Variants in NCF4 observed in about 807,000 individuals in gnomAD.
NCF4 encodes the protein neutrophil cytosol factor 4.
A neutral mutation model predicts 41.7 loss-of-function variants in NCF4; 30 were observed. The ratio of observed to expected loss-of-function variants is 0.72; its 90% CI spans 0.54 to 0.97. NCF4 has a LOEUF of 0.97. Ranked by LOEUF, NCF4 falls within the 50% of genes least tolerant of loss-of-function variation. The pLI, the probability that NCF4 is intolerant of heterozygous loss-of-function variation, is 0.00. For missense variants in NCF4, 432 were observed against 460.9 expected, an observed-to-expected ratio of 0.94 and a Z score of 0.57; for synonymous variants, 195 against 175.8, an observed-to-expected ratio of 1.11 and a Z score of -0.87.
At chr22:36,862,929 G>A (rs933006105) in intron 1 of NCF4, among the ~76,000 whole-genome samples, 5 of 152,084 alleles carry the variant, frequency 3.3e-5, no homozygotes, top group African/African-American at 1.2e-4. Flanking sequence ...CCTCCCCCAG[G>A]GCAGGCTCCA....
intron 5 of NCF4, among the ~76,000 whole-genome samples, chr22:36,870,983 A>G (rs997194868): frequency 6.6e-6 from 1 of 152,202 alleles, no homozygotes; most frequent in Non-Finnish European, 1.5e-5. Context: ...CCTCCAGAGC[A>G]CACTGTTCCT....
chr22:36,867,034 T>C (rs1884572435), intron 3 of NCF4, among the ~76,000 whole-genome samples: 2 of 151,896 alleles, frequency 1.3e-5, no homozygotes, highest in South Asian at 4.1e-4. Flanking sequence ...GCAGCCGGTG[T>C]TGCCACTGTC....
intron 2 of NCF4, among the ~76,000 whole-genome samples, chr22:36,864,420 C>T (rs1315649606): frequency 6.6e-6 from 1 of 152,202 alleles, no homozygotes; most frequent in Non-Finnish European, 1.5e-5. Flanking sequence ...CCGGCCCCAG[C>T]ATAATACTAA....
intron 7 of NCF4, among the ~76,000 whole-genome samples, chr22:36,874,132 G>A (rs919508137): frequency 6.6e-6 from 1 of 152,226 alleles, no homozygotes; most frequent in Non-Finnish European, 1.5e-5. Flanking sequence ...CAGGTACTAG[G>A]GTCATTAGGA....
At chr22:36,876,409 C>G (rs527468391) in intron 9 of NCF4, among the ~76,000 whole-genome samples, 84 of 152,300 alleles carry the variant, frequency 5.5e-4, no homozygotes, top group African/African-American at 1.9e-3. Context: ...TCACTACCCC[C>G]CCAGGTCCAG....
intron 4 of NCF4, among the ~76,000 whole-genome samples, chr22:36,867,733 A>C (rs1249450536): frequency 6.6e-6 from 1 of 152,184 alleles, no homozygotes; most frequent in Non-Finnish European, 1.5e-5. Context: ...CCACAGGTGA[A>C]TGTCTATGCC....
At chr22:36,872,949 TG>T (rs1940108362) in intron 7 of NCF4, among the ~76,000 whole-genome samples, 1 of 131,148 alleles carries the variant, frequency 7.6e-6, no homozygotes, top group African/African-American at 4.1e-5. Context: ...GAGGTGAGAT[TG>T]GAGGTGAGAT....
intron 4 of NCF4, among the ~76,000 whole-genome samples, chr22:36,868,477 G>C (rs748051984): frequency 5.9e-5 from 9 of 152,218 alleles, no homozygotes; most frequent in Admixed American, 1.3e-4. Context: ...TCCTGATGGA[G>C]GGAAGGAGCA....
In NCF4 at chr22:36,872,403, G is replaced by C. The variant is rs35355915; in HGVS notation, c.605G>C (p.Arg202Pro). ...GGAGATGTGATCTTCCTCCTCAGTC[G>C]GATCAACAAAGACTGGCTGGAGGTG... ...KAGDVIFLLS[R>P]INKDWLEGTV... The change falls in exon 7 of 10, where the codon CGG (arginine) becomes CCG (proline). Residue 202 changes from arginine (R) to proline (P), a missense_variant. By Grantham distance (103) the Arg-to-Pro change is moderately radical (BLOSUM62 -2). Transcript: ENST00000248899. 6 of 1,612,208 alleles carry C rather than the reference G, an allele frequency of 3.7e-6. No homozygotes were observed. The highest frequency in any genetic ancestry group is 2.2e-5 in the South Asian group (2 of 91,042).
intron 4 of NCF4, among the ~76,000 whole-genome samples, chr22:36,868,499 G>A (rs537469565): frequency 2.6e-5 from 4 of 152,316 alleles, no homozygotes; most frequent in Admixed American, 6.5e-5. Context: ...ATGGAGGGCA[G>A]AGGAGGTGGG....
chr22:36,877,452 G>T (rs1449945370), intron 9 of NCF4, among the ~76,000 whole-genome samples, 176 bp from the exon 10 acceptor site: 1 of 152,070 alleles, frequency 6.6e-6, no homozygotes, highest in African/African-American at 2.4e-5. Flanking sequence ...TCCCTTTTAG[G>T]CCTCGATATC....
intron 5 of NCF4, 72 bp downstream of exon 5, chr22:36,870,614 C>G: frequency 1.3e-6 from 2 of 1,561,210 alleles, no homozygotes; most frequent in Non-Finnish European, 1.7e-6. Flanking sequence ...TCTCTTTTCC[C>G]TGAAAGGAGA....
At position 36,877,884 on chromosome 22, in the gene NCF4, G is replaced by T. The variant is rs949824042; in HGVS notation, c.*61G>T. ...GCAAAAACCTTCAGCTCTCAGAGGA[G>T]ATTGGGACCAGGAAAACCTGGGAGG... On this transcript the variant is annotated 3_prime_UTR_variant, in exon 10 of 10. Coordinates refer to ENST00000248899, the MANE Select transcript of NCF4 (RefSeq NM_000631.5). 6.6e-7 allele frequency: 1 copy of T among 1,521,696 alleles called. No individual in the cohort carries two copies. The highest frequency in any genetic ancestry group is 1.4e-5 in the African/African-American group (1 of 72,280). 94.3% of individuals were successfully genotyped at this position (1,521,696 alleles called of 1,614,324 possible). A position where few individuals can be genotyped will look rare whatever the true frequency, so the allele number is the denominator to read the frequency against.
intron 3 of NCF4, 137 bp from the exon 4 acceptor site, chr22:36,867,255 C>A: frequency 1.2e-6 from 1 of 859,802 alleles, no homozygotes. Context: ...CACTTCAGTG[C>A]TGTGAAAAGA....
intron 7 of NCF4, among the ~76,000 whole-genome samples, chr22:36,873,616 T>C (rs1376566126): frequency 6.6e-6 from 1 of 152,196 alleles, no homozygotes; most frequent in African/African-American, 2.4e-5. Context: ...GCTTTGGTTC[T>C]GACCCTGAAA....
At chr22:36,870,847 T>C (rs1940039628) in intron 5 of NCF4, among the ~76,000 whole-genome samples, 1 of 152,148 alleles carries the variant, frequency 6.6e-6, no homozygotes, top group Non-Finnish European at 1.5e-5. Flanking sequence ...TGGAAAGAAT[T>C]GGGGGCAGAG....
At chr22:36,870,571 T>C (rs1255029755) in intron 5 of NCF4, 29 bp downstream of exon 5, 3 of 1,607,904 alleles carry the variant, frequency 1.9e-6, no homozygotes, top group Non-Finnish European at 2.5e-6. Flanking sequence ...GGCTTCCACA[T>C]GGCCAGAGCC....
Position 36,865,903 on chromosome 22 carries a change from C to G in NCF4, c.271+831C>G, listed in dbSNP as rs374042682. On this transcript the variant is annotated intron_variant, in intron 3 of 9. Transcript: ENST00000248899. The surrounding 1 kb of genome is among the most constrained non-coding windows in gnomAD (Gnocchi z 4.3). ...CCCCACCAAGGAACTTGAAGCTCCC[C>G]CTAGGAGTCTTGCCTACTCTAAGCC... Among the ~76,000 whole-genome samples the G allele has an allele frequency of 2.0e-5, 3 of 152,154 alleles. No individual in the cohort carries two copies. The highest frequency in any genetic ancestry group is 4.4e-5 in the Non-Finnish European group (3 of 68,018).
rs564890618 is a variant in NCF4 at position 36,870,555 on chromosome 22, C to T, written c.470+13C>T. The T allele has an allele frequency of 1.1e-5, 17 of 1,609,764 alleles. No homozygotes were observed. Among genetic ancestry groups the T allele is most frequent in the South Asian group, 3.3e-5 (3 of 91,094 alleles). On this transcript the variant is annotated intron_variant, in intron 5 of 9. Coordinates refer to ENST00000248899, the MANE Select transcript of NCF4 (RefSeq NM_000631.5). ...GCACCCGGAAAGTGTAAGTGACCAG[C>T]CCCTGGGCTTCCACATGGCCAGAGC...
Sources: gnomAD v4.1 joint callset for allele counts (sites outside exome capture counted in the v4.1 genomes callset) on GRCh38, gnomAD v4.1.1 for gene constraint, Gnocchi (gnomAD v3.1) non-coding constraint, MANE v1.5 for transcripts, NCBI Gene and HGNC (gene_info 2026-07-23, HGNC 2026-07-21) for gene names.